Variants in CTNNA2 observed in about 807,000 individuals in gnomAD.
CTNNA2 encodes catenin alpha-2.
CTNNA2 carries 42 observed loss-of-function variants against 101.0 expected under a neutral mutation model. That is an observed-to-expected ratio of 0.42 (90% CI 0.32 to 0.54). The LOEUF is 0.54. Among genes scored for constraint, CTNNA2 ranks in the 20% least tolerant of loss-of-function variants. The pLI is 0.14. For missense variants in CTNNA2, 871 were observed against 1,223.1 expected (o/e 0.71, Z 4.29); for synonymous variants, 450 against 456.4 (o/e 0.99, Z 0.18).
At chr2:79,812,690 A>G (rs926948137) in intron 3 of CTNNA2, among the ~76,000 whole-genome samples, 1 of 152,160 alleles carries the variant, frequency 6.6e-6, no homozygotes, top group Non-Finnish European at 1.5e-5. Flanking sequence ...TATTATGTTC[A>G]TATCTAGCAG....
intron 1 of CTNNA2, among the ~76,000 whole-genome samples, chr2:79,587,802 A>G (rs1449733415): frequency 6.6e-6 from 1 of 152,136 alleles, no homozygotes; most frequent in African/African-American, 2.4e-5. Context: ...AGCTCAAACT[A>G]TTCATCTTTC....
chr2:79,211,700 T>G (rs1674175983), intron 2 of CTNNA2, among the ~76,000 whole-genome samples: 1 of 152,200 alleles, frequency 6.6e-6, no homozygotes, highest in South Asian at 2.1e-4. Context: ...GTCATCTGGA[T>G]GTGTACGTGC....
At chr2:79,563,299 T>A (rs1674908994) in intron 1 of CTNNA2, among the ~76,000 whole-genome samples, 1 of 151,876 alleles carries the variant, frequency 6.6e-6, no homozygotes, top group Non-Finnish European at 1.5e-5. Flanking sequence ...GGATTCAGGG[T>A]TTTTTGGTCC....
chr2:80,646,156 A>T (rs1674066528), intron 18 of CTNNA2, among the ~76,000 whole-genome samples: 1 of 152,104 alleles, frequency 6.6e-6, no homozygotes, highest in South Asian at 2.1e-4. Flanking sequence ...CGTCAGATGG[A>T]AGAACCATAA....
intron 9 of CTNNA2, among the ~76,000 whole-genome samples, chr2:80,452,151 G>C (rs527511098): frequency 6.6e-6 from 1 of 151,938 alleles, no homozygotes; most frequent in East Asian, 1.9e-4. Context: ...AGATGAGGCA[G>C]CTGAACCTGT....
rs1177955495 is a variant in CTNNA2 at position 80,571,987 on chromosome 2, C to T, written c.1742-2176C>T. 3.3e-5 allele frequency among the ~76,000 whole-genome samples: 5 copies of T among 152,110 alleles called. No individual in the cohort carries two copies. In the South Asian group the frequency reaches 8.3e-4, roughly 25 times the overall value. The stretch of plus-strand genomic sequence containing the variant: ...GTGACTCCAATGTACAATTACTTAC[C>T]CCTCCTAATCAGCATTTCTTTAGAA... On this transcript the variant is annotated intron_variant, in intron 12 of 18. Coordinates refer to ENST00000402739, the MANE Select transcript of CTNNA2 (RefSeq NM_001282597.3).
chr2:80,107,286 C>T (rs1365778053), intron 7 of CTNNA2, among the ~76,000 whole-genome samples: 1 of 152,138 alleles, frequency 6.6e-6, no homozygotes, highest in African/African-American at 2.4e-5. Context: ...TGCTCCCCAT[C>T]CTGTGCCTAT....
chr2:79,883,996 C>T (rs1217072924), intron 6 of CTNNA2, among the ~76,000 whole-genome samples: 1 of 152,100 alleles, frequency 6.6e-6, no homozygotes, highest in Non-Finnish European at 1.5e-5. Flanking sequence ...ACATTTAGTA[C>T]TCAGGACAGA....
chr2:80,208,108 AG>A (rs1707643413), intron 7 of CTNNA2, among the ~76,000 whole-genome samples: 1 of 152,204 alleles, frequency 6.6e-6, no homozygotes, highest in Non-Finnish European at 1.5e-5. Context: ...TCCCTGTGCT[AG>A]GGTACTTTGC....
At chr2:80,526,943 T>C (rs1285690687) in intron 9 of CTNNA2, among the ~76,000 whole-genome samples, 2 of 152,168 alleles carry the variant, frequency 1.3e-5, no homozygotes, top group Non-Finnish European at 2.9e-5. Context: ...CTTCTAACAT[T>C]TTTTGAAATT....
chr2:79,268,392 G>A (rs1450091203), intron 2 of CTNNA2, among the ~76,000 whole-genome samples: 3 of 152,090 alleles, frequency 2.0e-5, no homozygotes, highest in African/African-American at 4.8e-5. Flanking sequence ...GAAGCTCTGT[G>A]CCTCTACCTG....
intron 2 of CTNNA2, among the ~76,000 whole-genome samples, chr2:79,261,998 C>T (rs75495604): frequency 0.01 from 1,597 of 152,240 alleles, 12 homozygotes; most frequent in Non-Finnish European, 0.012. Context: ...CTCTGGTTCA[C>T]GCCTTCTAGA....
At chr2:80,562,933 T>A (rs1693733370) in intron 12 of CTNNA2, among the ~76,000 whole-genome samples, 1 of 150,958 alleles carries the variant, frequency 6.6e-6, no homozygotes, top group Non-Finnish European at 1.5e-5. Flanking sequence ...AAGGTGGAGA[T>A]AGGGTACGGT....
chr2:80,533,841 A>G (rs749422710), intron 9 of CTNNA2, among the ~76,000 whole-genome samples: 9 of 152,206 alleles, frequency 5.9e-5, no homozygotes, highest in Non-Finnish European at 1.0e-4. Flanking sequence ...AAAGGGCATT[A>G]CATTCCCGGC....
intron 4 of CTNNA2, among the ~76,000 whole-genome samples, chr2:79,475,282 T>C (rs1671039128): frequency 6.6e-6 from 1 of 151,994 alleles, no homozygotes; most frequent in Admixed American, 6.6e-5. Flanking sequence ...AACCACCAAG[T>C]GGGAGAAAAA....
chr2:79,435,526 C>T (rs1473443364), intron 4 of CTNNA2, among the ~76,000 whole-genome samples: 1 of 152,126 alleles, frequency 6.6e-6, no homozygotes, highest in African/African-American at 2.4e-5. Flanking sequence ...AGGAGATAAA[C>T]CTGAAAAAGG....
intron 12 of CTNNA2, among the ~76,000 whole-genome samples, chr2:80,559,878 T>TATATCTATATCTATATATATA (rs1693393440): frequency 8.8e-6 from 1 of 113,936 alleles, no homozygotes; most frequent in African/African-American, 3.0e-5. Flanking sequence ...GATATCATAT[T>TATATCTATATCTATATATATA]TATATATATA....
At chr2:79,943,994 A>T (rs995452787) in intron 7 of CTNNA2, among the ~76,000 whole-genome samples, 4 of 152,238 alleles carry the variant, frequency 2.6e-5, no homozygotes, top group Admixed American at 2.6e-4. Context: ...CCCATTAATT[A>T]ATATGCCAAT....
chr2:80,432,296 C>T (rs1184986775), intron 9 of CTNNA2, among the ~76,000 whole-genome samples: 1 of 152,112 alleles, frequency 6.6e-6, no homozygotes, highest in Non-Finnish European at 1.5e-5. Context: ...ATCTAAAGAA[C>T]AGATTTTTTT....
Sources: gnomAD v4.1 joint callset for allele counts (sites outside exome capture counted in the v4.1 genomes callset) on GRCh38, gnomAD v4.1.1 for gene constraint, MANE v1.5 for transcripts, NCBI Gene and HGNC (gene_info 2026-07-23, HGNC 2026-07-21) for gene names.